The following STK32B variants were observed in gnomAD, a reference collection of about 807,000 sequenced individuals.
STK32B encodes the protein serine/threonine-protein kinase 32B.
STK32B carries 43 observed loss-of-function variants against 52.6 expected under a neutral mutation model. The observed-to-expected ratio is 0.82, with a 90% CI of 0.64 to 1.05. The LOEUF (loss-of-function observed/expected upper bound fraction) is 1.05. STK32B is among the 50% of genes least tolerant of loss of function. The pLI is 0.00. For synonymous variants in STK32B, 238 were observed against 204.3 expected (o/e 1.17, Z -1.41); for missense variants, 621 against 534.6 (o/e 1.16, Z -1.59).
At chr4:5,141,935 T>C (rs1365549613) in intron 2 of STK32B, among the ~76,000 whole-genome samples, 2 of 152,002 alleles carry the variant, frequency 1.3e-5, no homozygotes, top group Admixed American at 6.5e-5. Context: ...TCTGTGACTT[T>C]GTTAGAGAAG....
chr4:5,432,020 C>G (rs1442917769), intron 6 of STK32B, among the ~76,000 whole-genome samples: 1 of 152,184 alleles, frequency 6.6e-6, no homozygotes, highest in Non-Finnish European at 1.5e-5. Flanking sequence ...ATTTCATTGT[C>G]CATTCAGTAA....
Position 5,400,413 on chromosome 4 carries a change from C to G in STK32B, c.472+2169C>G, listed in dbSNP as rs1737216300. Among the ~76,000 whole-genome samples the G allele has an allele frequency of 6.6e-6, 1 of 152,142 alleles. No homozygotes were observed. Among genetic ancestry groups the G allele is most frequent in the Non-Finnish European group, 1.5e-5 (1 of 68,034 alleles). On this transcript the variant is annotated intron_variant, in intron 5 of 11. Transcript: ENST00000282908. The surrounding 1 kb of genome is among the most constrained non-coding windows in gnomAD (Gnocchi z 6.1). ...CTTTTTCCACCCCCTGCTTGGCCTT[C>G]ACAGTGTCCCAGCCCTGCCTTCTGG...
At chr4:5,199,912 A>G (rs1721997785) in intron 3 of STK32B, among the ~76,000 whole-genome samples, 1 of 152,174 alleles carries the variant, frequency 6.6e-6, no homozygotes, top group Non-Finnish European at 1.5e-5. Context: ...AGAATGCTTC[A>G]TACTTTCTGA....
At chr4:5,254,511 A>C (rs772537082) in intron 3 of STK32B, among the ~76,000 whole-genome samples, 1 of 152,130 alleles carries the variant, frequency 6.6e-6, no homozygotes, top group African/African-American at 2.4e-5. Flanking sequence ...CTGACAATGC[A>C]CTTAAGGTGA....
At chr4:5,365,369 A>G (rs1157407422) in intron 4 of STK32B, among the ~76,000 whole-genome samples, 1 of 152,158 alleles carries the variant, frequency 6.6e-6, no homozygotes, top group Non-Finnish European at 1.5e-5. Flanking sequence ...TCACTGTGTC[A>G]CACAGTGCCT....
At chr4:5,182,089 C>G (rs1720409616) in intron 3 of STK32B, among the ~76,000 whole-genome samples, 1 of 152,208 alleles carries the variant, frequency 6.6e-6, no homozygotes, top group Admixed American at 6.5e-5. Context: ...CTTCCATCTT[C>G]AGAAACTACT....
intron 3 of STK32B, among the ~76,000 whole-genome samples, chr4:5,271,503 A>G (rs1417302595): frequency 6.6e-6 from 1 of 151,014 alleles, no homozygotes; most frequent in East Asian, 1.9e-4. Flanking sequence ...TTTTGGTTCC[A>G]TATGAACTTG....
At chr4:5,170,466 C>A (rs972432725) in intron 3 of STK32B, among the ~76,000 whole-genome samples, 19 of 152,158 alleles carry the variant, frequency 1.2e-4, no homozygotes, top group South Asian at 8.3e-4. Context: ...CCCGTCCCCC[C>A]ACCCCACAAC....
At chr4:5,313,336 G>A (rs1251010731) in intron 3 of STK32B, among the ~76,000 whole-genome samples, 1 of 151,764 alleles carries the variant, frequency 6.6e-6, no homozygotes, top group East Asian at 1.9e-4. Context: ...TAACATCTGT[G>A]GTAAACATTC....
At chr4:5,246,770 T>C (rs1289427186) in intron 3 of STK32B, among the ~76,000 whole-genome samples, 1 of 152,182 alleles carries the variant, frequency 6.6e-6, no homozygotes, top group Non-Finnish European at 1.5e-5. Context: ...GTCCTTTCTG[T>C]TTTTTAGTTT....
intron 3 of STK32B, among the ~76,000 whole-genome samples, chr4:5,329,700 T>G (rs547120026): frequency 6.6e-6 from 1 of 152,176 alleles, no homozygotes; most frequent in Non-Finnish European, 1.5e-5. Context: ...TATCAGACAG[T>G]AGGTGTTCCA....
At chr4:5,320,857 A>G (rs540624558) in intron 3 of STK32B, among the ~76,000 whole-genome samples, 11 of 152,308 alleles carry the variant, frequency 7.2e-5, no homozygotes, top group African/African-American at 2.6e-4. Context: ...TTGAAGAGTG[A>G]TGCATTGTAA....
intron 3 of STK32B, among the ~76,000 whole-genome samples, chr4:5,235,286 G>GT (rs1217883570): frequency 2.0e-5 from 3 of 152,252 alleles, no homozygotes; most frequent in African/African-American, 7.2e-5. Flanking sequence ...GGGCAGCAGA[G>GT]TGTGGTGGTC....
chr4:5,075,598 C>G (rs1191784233), intron 1 of STK32B, among the ~76,000 whole-genome samples: 5 of 152,044 alleles, frequency 3.3e-5, no homozygotes, highest in African/African-American at 2.4e-5. Context: ...TAAATTGAAT[C>G]TTAACCAAAT....
chr4:5,142,677 T>A (rs1220953715), intron 2 of STK32B, among the ~76,000 whole-genome samples: 1 of 152,230 alleles, frequency 6.6e-6, no homozygotes, highest in Non-Finnish European at 1.5e-5. Context: ...CAGAAATCTT[T>A]TTTAAAAATC....
In STK32B at chr4:5,289,635, C is replaced by T. The variant is rs35846791; in HGVS notation, c.261-41585C>T. On this transcript the variant is annotated intron_variant, in intron 3 of 11. Transcript: ENST00000282908. ...CCGGGTTCACGCCATTCTCCTGCCTCAGCCTCCCGAGTAGCTGGGAGTACA... is the reference window on the plus strand; with the variant it reads ...CCGGGTTCACGCCATTCTCCTGCCTTAGCCTCCCGAGTAGCTGGGAGTACA... Among the ~76,000 whole-genome samples the T allele has an allele frequency of 6.2e-3, 941 of 151,418 alleles. 3 individuals carry two copies. The highest frequency in any genetic ancestry group is 0.011 in the Non-Finnish European group (717 of 67,896).
chr4:5,498,913 C>A (rs770268072), intron 11 of STK32B, 32 bp from the exon 12 acceptor site: 1 of 1,591,378 alleles, frequency 6.3e-7, no homozygotes, highest in South Asian at 1.1e-5. Flanking sequence ...CCCCATGCCG[C>A]ACCACTAACT....
At chr4:5,116,499 G>T (rs1040638462) in intron 1 of STK32B, among the ~76,000 whole-genome samples, 4 of 152,068 alleles carry the variant, frequency 2.6e-5, no homozygotes, top group African/African-American at 9.7e-5. Flanking sequence ...ATTTTGGGGG[G>T]AGTTAGAACA....
intron 3 of STK32B, among the ~76,000 whole-genome samples, chr4:5,207,777 T>C (rs1000553442): frequency 2.0e-5 from 3 of 151,902 alleles, no homozygotes; most frequent in African/African-American, 7.3e-5. Flanking sequence ...CAAAGAGGAC[T>C]GTGATCACTT....
Sources: allele counts gnomAD v4.1 joint callset (sites outside exome capture counted in the v4.1 genomes callset), GRCh38; gene constraint gnomAD v4.1.1; non-coding constraint Gnocchi (gnomAD v3.1); transcripts MANE v1.5; gene names NCBI Gene and HGNC (gene_info 2026-07-23, HGNC 2026-07-21).